ZSCAN18: variants seen among roughly 807,000 people sequenced by gnomAD.
The protein encoded by ZSCAN18 is zinc finger and SCAN domain-containing protein 18.
In ZSCAN18, 16 loss-of-function variants were observed where a neutral mutation model predicts 31.1. That is an observed-to-expected ratio of 0.51 (90% CI 0.35 to 0.78). ZSCAN18 has a LOEUF of 0.78. Among genes scored for constraint, ZSCAN18 ranks in the 30% least tolerant of loss-of-function variants. ZSCAN18 has a pLI of 0.01. For synonymous variants in ZSCAN18, 375 were observed against 320.7 expected (o/e 1.17, Z -1.81); for missense variants, 731 against 697.4 (o/e 1.05, Z -0.54).
intron 1 of ZSCAN18, chr19:58,097,846 C>G: frequency 1.2e-6 from 1 of 848,114 alleles, no homozygotes; most frequent in South Asian, 5.5e-5. Context: ...GGAGCCGCCC[C>G]TTCCTGTTCT....
At chr19:58,106,104 C>T (rs141338127) in intron 1 of ZSCAN18, among the ~76,000 whole-genome samples, 56 of 152,258 alleles carry the variant, frequency 3.7e-4, no homozygotes, top group African/African-American at 1.3e-3. Flanking sequence ...TGCTAGATGC[C>T]ATTAAGAGCA....
chr19:58,088,517 A>G, intron 3 of ZSCAN18, 171 bp downstream of exon 3: 1 of 616,906 alleles, frequency 1.6e-6, no homozygotes. Context: ...AGACTAATTT[A>G]ATAAACAATG....
intron 5 of ZSCAN18, chr19:58,086,692 A>G (rs537741586): frequency 3.8e-6 from 2 of 531,398 alleles, no homozygotes; most frequent in Admixed American, 3.6e-5. Flanking sequence ...CCGAGGCTTC[A>G]GTCCTACAGG....
chr19:58,107,782 T>C, intron 1 of ZSCAN18: 1 of 992,272 alleles, frequency 1.0e-6, no homozygotes, highest in Non-Finnish European at 1.2e-6. Flanking sequence ...ATGTGTCAAC[T>C]CTGGTTTCTA....
intron 6 of ZSCAN18, chr19:58,085,778 T>C: frequency 3.2e-6 from 1 of 307,772 alleles, no homozygotes; most frequent in Non-Finnish European, 6.0e-6. Flanking sequence ...GAGAGTGGGG[T>C]CAATAGCTAA....
intron 1 of ZSCAN18, among the ~76,000 whole-genome samples, chr19:58,111,662 G>A (rs1343445293): frequency 6.6e-6 from 1 of 152,020 alleles, no homozygotes; most frequent in Non-Finnish European, 1.5e-5. Flanking sequence ...ACTATGCCCA[G>A]CATGTACCAA....
chr19:58,096,769 C>T (rs2074526998), intron 1 of ZSCAN18, among the ~76,000 whole-genome samples: 1 of 152,216 alleles, frequency 6.6e-6, no homozygotes, highest in African/African-American at 2.4e-5. Context: ...CGGATATTCC[C>T]AGGGTCTGCC....
At chr19:58,091,365 A>G (rs2074406849) in intron 1 of ZSCAN18, among the ~76,000 whole-genome samples, 1 of 152,052 alleles carries the variant, frequency 6.6e-6, no homozygotes, top group African/African-American at 2.4e-5. Context: ...ACCACCACAA[A>G]TCTGAAATAA....
chr19:58,088,663 G>C (rs746775654), intron 3 of ZSCAN18, 25 bp downstream of exon 3: 12 of 1,601,338 alleles, frequency 7.5e-6, no homozygotes, highest in Admixed American at 1.7e-5. Context: ...CCCAGCAGAG[G>C]CTGCCAGGCT....
chr19:58,103,202 A>G (rs1415329565), upstream of ZSCAN18, among the ~76,000 whole-genome samples: 2 of 152,226 alleles, frequency 1.3e-5, no homozygotes, highest in African/African-American at 4.8e-5. Flanking sequence ...ATGTTAAAAT[A>G]TGGCAAGATA....
chr19:58,091,699 G>A (rs1038244219), intron 1 of ZSCAN18, among the ~76,000 whole-genome samples: 2 of 152,112 alleles, frequency 1.3e-5, no homozygotes, highest in African/African-American at 4.8e-5. Context: ...CACCAACAAT[G>A]AGCTCACTAA....
rs750271507 is a variant in ZSCAN18 at position 58,085,351 on chromosome 19, C to T, written c.867G>A (p.Gly289=). Reference sequence around the variant, plus strand: ...CGGGGGCGGCCTCCTCGCAGGCGCACCCAGCGCTCTCCTGCCGCCTCCCGC... The same window carrying T: ...CGGGGGCGGCCTCCTCGCAGGCGCATCCAGCGCTCTCCTGCCGCCTCCCGC... The part of the protein sequence containing the change: ...PEGGRRQESA[G]CACEEAAPAG... Residue 289 remains glycine (G), a synonymous_variant, in exon 7 of 7, where the codon GGG becomes GGA. Transcript: ENST00000601144. The T allele has an allele frequency of 6.3e-7, 1 of 1,592,200 alleles. No individual in the cohort carries two copies. The highest frequency in any genetic ancestry group is 1.3e-5 in the African/African-American group (1 of 74,700).
chr19:58,088,294 C>G (rs2074326508), intron 3 of ZSCAN18: 1 of 163,902 alleles, frequency 6.1e-6, no homozygotes, highest in African/African-American at 2.4e-5. Flanking sequence ...ACAGCAAGCA[C>G]TCAGACACAG....
At chr19:58,086,087 G>C in intron 6 of ZSCAN18, 87 bp downstream of exon 6, 1 of 1,122,034 alleles carries the variant, frequency 8.9e-7, no homozygotes, top group Non-Finnish European at 1.3e-6. Context: ...TCTTTGCTGG[G>C]GCTGATGGCG....
At chr19:58,085,978 G>C in intron 6 of ZSCAN18, 196 bp downstream of exon 6, 1 of 588,792 alleles carries the variant, frequency 1.7e-6, no homozygotes, top group Non-Finnish European at 3.1e-6. Flanking sequence ...ACCAAGTCTT[G>C]GGGTGGTCTG....
Position 58,113,425 on chromosome 19 carries a change from G to A in ZSCAN18, c.130+4842C>T, listed in dbSNP as rs73579142. Among the ~76,000 whole-genome samples, 764 of 152,180 alleles carry A rather than the reference G, an allele frequency of 5.0e-3. 8 individuals are homozygous for A. Among genetic ancestry groups the A allele is most frequent in the African/African-American group, 0.017 (698 of 41,502 alleles). Reference sequence around the variant, plus strand: ...GATACGCATTTGTGTCTGGGATGCCGGGGTGACTGCACTTGTAAAGATAAG... The same window carrying A: ...GATACGCATTTGTGTCTGGGATGCCAGGGTGACTGCACTTGTAAAGATAAG... On this transcript the variant is annotated intron_variant, in intron 1 of 1. Transcript: ENST00000595721.
In ZSCAN18 at chr19:58,085,174, T is replaced by G; in HGVS notation, c.1044A>C (p.Gly348=). The change falls in exon 7 of 7, where the codon GGA becomes GGC. Residue 348 remains glycine (G), a synonymous_variant. Transcript: ENST00000601144. ...GCTGGATGACGGACTGCCTCTGCGA[T>G]CCGGTGGCAGAGTCGGACTCCGCGT... The part of the protein sequence containing the change: ...PQDAESDSAT[G]SQRQSVIQQP... The G allele has an allele frequency of 6.2e-7, 1 of 1,610,832 alleles. No homozygotes were observed. Among genetic ancestry groups the G allele is most frequent in the Non-Finnish European group, 8.5e-7 (1 of 1,179,428 alleles).
intron 1 of ZSCAN18, among the ~76,000 whole-genome samples, chr19:58,113,310 T>C (rs913822994): frequency 6.6e-6 from 1 of 151,212 alleles, no homozygotes; most frequent in Non-Finnish European, 1.5e-5. Context: ...AGCAAGACTC[T>C]GTCTCCAAAA....
intron 1 of ZSCAN18, among the ~76,000 whole-genome samples, chr19:58,093,975 G>C (rs1045137334): frequency 1.3e-4 from 19 of 151,762 alleles, no homozygotes; most frequent in Non-Finnish European, 2.6e-4. Flanking sequence ...ATGTTGGCCA[G>C]GCTGGTCTCG....
Sources: gnomAD v4.1 joint callset for allele counts (sites outside exome capture counted in the v4.1 genomes callset) on GRCh38, gnomAD v4.1.1 for gene constraint, MANE v1.5 for transcripts, NCBI Gene and HGNC (gene_info 2026-07-23, HGNC 2026-07-21) for gene names.